Variants in EWSR1 observed in about 807,000 individuals in gnomAD.
EWSR1 encodes EWS RNA binding protein 1, also known as RNA-binding protein EWS.
EWSR1 carries 14 observed loss-of-function variants against 92.1 expected under a neutral mutation model. The ratio of observed to expected loss-of-function variants is 0.15; its 90% CI spans 0.10 to 0.24. The LOEUF (loss-of-function observed/expected upper bound fraction) is 0.24. Ranked by LOEUF, EWSR1 falls within the 10% of genes least tolerant of loss-of-function variation. EWSR1 has a pLI of 1.00. For synonymous variants in EWSR1, 303 were observed against 292.9 expected (o/e 1.03, Z -0.35); for missense variants, 637 against 870.9 (o/e 0.73, Z 3.38).
chr22:29,299,925 C>A (rs2061210430), intron 16 of EWSR1, 74 bp downstream of exon 16: 1 of 1,537,164 alleles, frequency 6.5e-7, no homozygotes, highest in Non-Finnish European at 8.8e-7. Flanking sequence ...TTGGTTGGCG[C>A]AAGTCCTCAT....
At chr22:29,270,353 GAA>G (rs2058573851) in intron 1 of EWSR1, among the ~76,000 whole-genome samples, 1 of 152,186 alleles carries the variant, frequency 6.6e-6, no homozygotes, top group Non-Finnish European at 1.5e-5. Context: ...GATTTTTAGT[GAA>G]GTCAGTGGCT....
chr22:29,293,846 A>T (rs947205775), intron 11 of EWSR1, among the ~76,000 whole-genome samples: 1 of 151,966 alleles, frequency 6.6e-6, no homozygotes, highest in Admixed American at 6.6e-5. Flanking sequence ...GTGATTGCAG[A>T]CATGAGCCAC....
chr22:29,292,289 C>A, intron 10 of EWSR1, 120 bp downstream of exon 10: 1 of 1,172,026 alleles, frequency 8.5e-7, no homozygotes, highest in Non-Finnish European at 1.3e-6. Context: ...CTGTCAAGGA[C>A]AGTTTGGGAA....
Position 29,292,528 on chromosome 22 carries a change from A to G in EWSR1, c.1086A>G (p.Ala362=). 1 of 1,613,986 alleles carries G rather than the reference A, an allele frequency of 6.2e-7. No individual in the cohort carries two copies. Among genetic ancestry groups the G allele is most frequent in the Non-Finnish European group, 8.5e-7 (1 of 1,179,926 alleles). The change falls in exon 11 of 17, where the codon GCA becomes GCG. Residue 362 remains alanine (A), a synonymous_variant. Transcript: ENST00000397938. The stretch of plus-strand genomic sequence containing the variant: ...CAGATGAAGACTCTGACAACAGTGC[A>G]ATTTATGTACAAGGATTAAATGACA... ...VDPDEDSDNS[A]IYVQGLNDSV...
rs752168245 is a variant in EWSR1, at chr22:29,298,752, T to C, written c.1437T>C (p.Gly479=). 1.2e-6 allele frequency: 2 copies of C among 1,613,484 alleles called. No homozygotes were observed. The highest frequency in any genetic ancestry group is 1.1e-5 in the South Asian group (1 of 91,054). Residue 479 remains glycine (G), a synonymous_variant, in exon 14 of 17, where the codon GGT becomes GGC. Coordinates refer to ENST00000397938, the MANE Select transcript of EWSR1 (RefSeq NM_005243.4). ...PLRGGPGGPG[G]PGGPMGRMGG... ...TTGTAGGTCCAGGAGGCCCAGGAGG[T>C]CCTGGGGGACCCATGGGTCGCATGG... is the stretch of plus-strand genomic sequence containing the variant.
At chr22:29,282,651 TGTTATCTGACTGTCGC>T in intron 6 of EWSR1, 94 bp downstream of exon 6, 1 of 1,066,594 alleles carries the variant, frequency 9.4e-7, no homozygotes. Flanking sequence ...AGCTAAGGTA[TGTTATCTGACTGTCGC>T]AGTGATAAGT....
At chr22:29,293,384 T>C (rs1411594460) in intron 11 of EWSR1, among the ~76,000 whole-genome samples, 2 of 152,212 alleles carry the variant, frequency 1.3e-5, no homozygotes, top group Admixed American at 6.5e-5. Flanking sequence ...TTTGACTGTT[T>C]TTCAGTTCTT....
At chr22:29,291,531 A>G (rs753606988) in intron 8 of EWSR1, 31 bp from the exon 9 acceptor site, 5 of 1,609,508 alleles carry the variant, frequency 3.1e-6, no homozygotes, top group East Asian at 2.2e-5. Flanking sequence ...TTTAAAGGGA[A>G]AGGCCTTCAT....
chr22:29,298,965 T>C, intron 14 of EWSR1, 70 bp downstream of exon 14: 4 of 1,463,334 alleles, frequency 2.7e-6, no homozygotes, highest in Non-Finnish European at 3.7e-6. Flanking sequence ...ATCCCCACTC[T>C]AGAGTGGATT....
chr22:29,281,183 T>G (rs929224335), intron 5 of EWSR1, among the ~76,000 whole-genome samples: 8 of 151,662 alleles, frequency 5.3e-5, no homozygotes, highest in Admixed American at 3.3e-4. Context: ...CCAGCCAATT[T>G]TTTGTATTTC....
At chr22:29,284,139 T>C (rs1216889702) in intron 6 of EWSR1, among the ~76,000 whole-genome samples, 4 of 151,012 alleles carry the variant, frequency 2.6e-5, no homozygotes, top group African/African-American at 9.9e-5. Context: ...TGGCCCAGTT[T>C]TTGTATTTTT....
At chr22:29,280,299 C>T (rs180970254) in intron 5 of EWSR1, among the ~76,000 whole-genome samples, 4 of 152,290 alleles carry the variant, frequency 2.6e-5, no homozygotes, top group Admixed American at 2.6e-4. Flanking sequence ...AACTCGTGAC[C>T]TCAAGTGATC....
chr22:29,290,707 G>A, intron 8 of EWSR1: 3 of 1,294,682 alleles, frequency 2.3e-6, no homozygotes, highest in Non-Finnish European at 3.0e-6. Flanking sequence ...TTTATGGTGT[G>A]TACTTTTAAA....
chr22:29,287,794 A>G (rs956360203), intron 7 of EWSR1, among the ~76,000 whole-genome samples: 4 of 152,192 alleles, frequency 2.6e-5, no homozygotes, highest in Non-Finnish European at 5.9e-5. Context: ...ATTAATGTAA[A>G]GTGGGGAGGC....
chr22:29,277,772 T>C, intron 4 of EWSR1: 1 of 435,210 alleles, frequency 2.3e-6, no homozygotes, highest in Admixed American at 3.9e-5. Flanking sequence ...AACCCTGTTT[T>C]CTGTAGCATG....
At chr22:29,298,605 A>G in intron 13 of EWSR1, 128 bp from the exon 14 acceptor site, 2 of 1,183,656 alleles carry the variant, frequency 1.7e-6, no homozygotes. Context: ...GCCACACGGA[A>G]ACACGGGACA....
intron 7 of EWSR1, among the ~76,000 whole-genome samples, chr22:29,287,484 A>G (rs950619748): frequency 2.6e-5 from 4 of 152,204 alleles, no homozygotes; most frequent in African/African-American, 9.7e-5. Context: ...TTGGGATTAC[A>G]GTCATGAGCC....
chr22:29,293,078 G>A (rs575360337), intron 11 of EWSR1, among the ~76,000 whole-genome samples: 2 of 152,168 alleles, frequency 1.3e-5, no homozygotes, highest in Admixed American at 1.3e-4. Context: ...TAGGGACAGA[G>A]TGTTGCTCAA....
chr22:29,298,341 A>G (rs2061031960), intron 13 of EWSR1, among the ~76,000 whole-genome samples: 1 of 152,108 alleles, frequency 6.6e-6, no homozygotes, highest in Non-Finnish European at 1.5e-5. Flanking sequence ...CTCCCTCTCT[A>G]CTAAAAATAC....
Sources: gnomAD v4.1 joint callset for allele counts (sites outside exome capture counted in the v4.1 genomes callset) on GRCh38, gnomAD v4.1.1 for gene constraint, MANE v1.5 for transcripts, NCBI Gene and HGNC (gene_info 2026-07-23, HGNC 2026-07-21) for gene names.